Variants in PRKDC observed in about 807,000 individuals in gnomAD.
PRKDC encodes the protein protein kinase, DNA-activated, catalytic subunit, also known as DNA-dependent protein kinase catalytic subunit.
PRKDC carries 82 observed loss-of-function variants against 486.9 expected under a neutral mutation model. That is an observed-to-expected ratio of 0.17 (90% CI 0.14 to 0.20). The LOEUF is 0.20. Ranked by LOEUF, PRKDC falls within the 10% of genes least tolerant of loss-of-function variation. The pLI is 1.00. For missense variants in PRKDC, 4,504 were observed against 5,038.2 expected, an observed-to-expected ratio of 0.89 and a Z score of 3.21; for synonymous variants, 1,895 against 1,837.0, an observed-to-expected ratio of 1.03 and a Z score of -0.81.
intron 21 of PRKDC, among the ~76,000 whole-genome samples, chr8:47,923,054 T>A (rs2090098118): frequency 6.6e-6 from 1 of 151,936 alleles, no homozygotes; most frequent in East Asian, 1.9e-4. Context: ...GCCTGTACCA[T>A]GAGAAGTCAT....
At chr8:47,777,030 A>G (rs1391213643) in intron 84 of PRKDC, 47 bp from the exon 85 acceptor site, 2 of 1,577,136 alleles carry the variant, frequency 1.3e-6, no homozygotes, top group South Asian at 2.3e-5. Flanking sequence ...AATGGTATAT[A>G]CAATCATGCC....
rs373275113 is a variant in PRKDC at position 47,819,405 on chromosome 8, G to C, written c.9442C>G (p.Gln3148Glu). 38 of 1,504,536 alleles carry C rather than the reference G, an allele frequency of 2.5e-5. No homozygotes were observed. The East Asian group carries it at 3.0e-4, about 12-fold the overall frequency. The allele number at this position is 1,504,536 out of a possible 1,614,324, so 93.2% of individuals were successfully genotyped here. A position where few individuals can be genotyped will look rare whatever the true frequency, so the allele number is the denominator to read the frequency against. ...AAAGACCGATGAAAAAAATTACCTT[G>C]TTTGCTTATAAAGCTGATGAACTCC... is the stretch of plus-strand genomic sequence containing the variant. Reference protein sequence around the residue: ...IQEFISFISKQGNLSSQVPLK... With the variant: ...IQEFISFISKEGNLSSQVPLK... The change falls in exon 67 of 86, where the codon CAA becomes GAA. Residue 3148 changes from glutamine (Q) to glutamate (E), a missense_variant. Transcript: ENST00000314191.
In PRKDC at chr8:47,877,768, G is replaced by A; in HGVS notation, c.5319C>T (p.Val1773=). 6.3e-7 allele frequency: 1 copy of A among 1,595,936 alleles called. No individual in the cohort carries two copies. The highest frequency in any genetic ancestry group is 8.5e-7 in the Non-Finnish European group (1 of 1,170,264). ...TEVLCREQQH[V]MEELFQSSFR... is the part of the protein sequence containing the mutation. ...AACTGGATTGAAATAATTCTTCCAT[G>A]ACATGCTGCTGTTCCCGACAAAGAA... The change falls in exon 40 of 86, where the codon GTC becomes GTT. Residue 1773 remains valine, a synonymous_variant. Coordinates refer to ENST00000314191, the MANE Select transcript of PRKDC (RefSeq NM_006904.7).
intron 60 of PRKDC, 27 bp downstream of exon 60, chr8:47,831,787 T>C (rs368227097): frequency 1.3e-5 from 21 of 1,606,330 alleles, no homozygotes; most frequent in Non-Finnish European, 1.7e-5. Context: ...TGCATCGTTC[T>C]GATCAAATTC....
rs1489199728 is a variant in PRKDC at position 47,852,747 on chromosome 8, T to G, written c.6931A>C (p.Arg2311=). The G allele has an allele frequency of 6.3e-7, 1 of 1,577,220 alleles. No individual in the cohort carries two copies. Among genetic ancestry groups the G allele is most frequent in the Non-Finnish European group, 8.6e-7 (1 of 1,159,974 alleles). ...QALVNNMSFV[R]YKEVYAAAAE... ...GCAGCGGCATACACTTCTTTATATC[T>G]TACAAAGGACATATTATTCACCAAA... Residue 2311 remains arginine, a synonymous_variant, in exon 52 of 86, where the codon AGA becomes CGA. Coordinates refer to ENST00000314191, the MANE Select transcript of PRKDC (RefSeq NM_006904.7).
chr8:47,955,035 T>C (rs1294223826), intron 4 of PRKDC, among the ~76,000 whole-genome samples: 9 of 151,768 alleles, frequency 5.9e-5, no homozygotes, highest in Admixed American at 1.3e-4. Flanking sequence ...ATGCCTGTAA[T>C]CCCAGCTACT....
chr8:47,948,088 A>C (rs2090564769), intron 7 of PRKDC, among the ~76,000 whole-genome samples: 1 of 148,936 alleles, frequency 6.7e-6, no homozygotes. Context: ...GTCTCAAAAA[A>C]AATATATTTG....
At position 47,927,221 on chromosome 8, in the gene PRKDC, C is replaced by T; in HGVS notation, c.2392G>A (p.Gly798Arg). Residue 798 changes from glycine to arginine, a missense_variant, in exon 21 of 86, where the codon GGA (glycine) becomes AGA (arginine). This residue lies in a region of PRKDC where 1,969 missense variants were observed against 2,068.9 expected (regional missense o/e 0.95). Transcript: ENST00000314191. ...GACAAGGCTGAAGTCTTCAGGTATC[C>T]ATCCAGGCAGGGGAGAATGTCTTTG... ...YYKDILPCLDGYLKTSALSDE... is the reference protein window; with the variant it reads ...YYKDILPCLDRYLKTSALSDE... 6.2e-7 allele frequency: 1 copy of T among 1,613,804 alleles called. No homozygotes were observed.
In PRKDC at chr8:47,803,331, A is replaced by G; in HGVS notation, c.9897T>C (p.Thr3299=). The G allele has an allele frequency of 6.2e-7, 1 of 1,612,904 alleles. No individual in the cohort carries two copies. ...RSQGCSEQVL[T]VLKTVSLLDE... ...CCAACAAAGAGACTGTTTTCAGCAC[A>G]GTGAGCACCTGCTCAGAGCAGCCCT... The change falls in exon 70 of 86, where the codon ACT becomes ACC. Residue 3299 remains threonine, a synonymous_variant. Coordinates refer to ENST00000314191, the MANE Select transcript of PRKDC (RefSeq NM_006904.7).
chr8:47,928,746 C>A (rs569154773), intron 19 of PRKDC, among the ~76,000 whole-genome samples: 5 of 152,144 alleles, frequency 3.3e-5, no homozygotes, highest in African/African-American at 1.2e-4. Flanking sequence ...TACAGTAGTG[C>A]AATCTCAGCT....
intron 74 of PRKDC, among the ~76,000 whole-genome samples, chr8:47,792,254 ATT>A (rs757370500): frequency 1.3e-4 from 18 of 139,410 alleles, no homozygotes; most frequent in African/African-American, 1.3e-4. Flanking sequence ...CCACAGTAAA[ATT>A]TTTTTTTTTT....
intron 74 of PRKDC, among the ~76,000 whole-genome samples, chr8:47,790,676 T>C (rs77878951): frequency 0.035 from 5,338 of 152,272 alleles, 154 homozygotes; most frequent in Middle Eastern, 0.085. Context: ...TACAGAGCTA[T>C]AGTAACCCAA....
intron 51 of PRKDC, 58 bp downstream of exon 51, chr8:47,854,025 A>C: frequency 1.3e-6 from 2 of 1,592,250 alleles, no homozygotes; most frequent in Non-Finnish European, 1.7e-6. Context: ...ACCATACTGA[A>C]GTCTGTCAAT....
At chr8:47,828,138 T>C in intron 62 of PRKDC, 30 bp downstream of exon 62, 1 of 1,589,230 alleles carries the variant, frequency 6.3e-7, no homozygotes, top group Non-Finnish European at 8.6e-7. Context: ...GCAAACAATG[T>C]ATATTTGATG....
chr8:47,948,985 G>A (rs1563819889), intron 7 of PRKDC, among the ~76,000 whole-genome samples: 2 of 152,210 alleles, frequency 1.3e-5, no homozygotes, highest in Admixed American at 6.5e-5. Context: ...CTAAAGGTGA[G>A]AAGTCTGAAA....
At position 47,953,835 on chromosome 8, in the gene PRKDC, C is replaced by A; in HGVS notation, c.593G>T (p.Arg198Leu). Residue 198 changes from arginine to leucine, a missense_variant, in exon 6 of 86, where the codon CGC becomes CTC. By Grantham distance (102) the Arg-to-Leu change is moderately radical. This residue lies in a region of PRKDC where 1,969 missense variants were observed against 2,068.9 expected (regional missense o/e 0.95). Transcript: ENST00000314191. ...EMINNAENLFRAFLGELKTQM... is the reference protein window; with the variant it reads ...EMINNAENLFLAFLGELKTQM... The stretch of plus-strand genomic sequence containing the variant: ...GGTCTTAAGTTCACCCAGAAAAGCG[C>A]GGAACAGGTTTTCTGCATTATTTAT... The A allele has an allele frequency of 6.4e-7, 1 of 1,571,556 alleles. No individual in the cohort carries two copies. The highest frequency in any genetic ancestry group is 8.6e-7 in the Non-Finnish European group (1 of 1,156,260).
intron 32 of PRKDC, among the ~76,000 whole-genome samples, chr8:47,889,633 C>T (rs1221250362): frequency 6.6e-6 from 1 of 152,212 alleles, no homozygotes; most frequent in African/African-American, 2.4e-5. Context: ...TACAATAAGC[C>T]TCATGGATAC....
chr8:47,929,022 G>A (rs1440759680), intron 19 of PRKDC, 70 bp downstream of exon 19: 59 of 1,177,836 alleles, frequency 5.0e-5, no homozygotes, highest in Non-Finnish European at 7.1e-5. Context: ...ATGATCACTA[G>A]GATTTTTTCA....
intron 71 of PRKDC, among the ~76,000 whole-genome samples, chr8:47,799,880 A>G (rs2087062444): frequency 6.6e-6 from 1 of 152,234 alleles, no homozygotes. Flanking sequence ...AAATGCAGAA[A>G]AGGCTGATTT....
Sources: allele counts gnomAD v4.1 joint callset (sites outside exome capture counted in the v4.1 genomes callset), GRCh38; gene constraint gnomAD v4.1.1; regional missense constraint gnomAD v4.1.1; transcripts MANE v1.5; gene names NCBI Gene and HGNC (gene_info 2026-07-23, HGNC 2026-07-21).